ANKRD55: variants seen among roughly 807,000 people sequenced by gnomAD.
ANKRD55 encodes the protein ankyrin repeat domain-containing protein 55.
In ANKRD55, 41 loss-of-function variants were observed where a neutral mutation model predicts 60.6. That is an observed-to-expected ratio of 0.68 (90% CI 0.53 to 0.88). The LOEUF (loss-of-function observed/expected upper bound fraction) is 0.88. ANKRD55 is among the 40% of genes least tolerant of loss of function. The probability of loss-of-function intolerance (pLI) is 0.00; values close to 1 mark genes in which losing one functional copy is unlikely to be tolerated. For missense variants in ANKRD55, 732 were observed against 767.6 expected (o/e 0.95, Z 0.55); for synonymous variants, 264 against 290.3 (o/e 0.91, Z 0.92).
intron 2 of ANKRD55, among the ~76,000 whole-genome samples, chr5:56,194,270 C>T (rs1244657229): frequency 1.3e-5 from 2 of 149,380 alleles, no homozygotes; most frequent in South Asian, 2.1e-4. Context: ...GAGCCGAGAT[C>T]GCACCATTGC....
At chr5:56,164,954 T>C (rs926455628) in intron 5 of ANKRD55, among the ~76,000 whole-genome samples, 2 of 152,188 alleles carry the variant, frequency 1.3e-5, no homozygotes, top group African/African-American at 4.8e-5. Context: ...TCATACTGTT[T>C]GGTTTGTTCA....
chr5:56,136,585 T>C (rs1757604697), intron 7 of ANKRD55, among the ~76,000 whole-genome samples: 2 of 152,080 alleles, frequency 1.3e-5, no homozygotes, highest in African/African-American at 4.8e-5. Context: ...CCTTATACCT[T>C]TCACAAAATT....
At chr5:56,222,282 G>A (rs1018734759) in intron 2 of ANKRD55, among the ~76,000 whole-genome samples, 1 of 152,146 alleles carries the variant, frequency 6.6e-6, no homozygotes, top group African/African-American at 2.4e-5. Context: ...GCAGCTGAGG[G>A]TCATGACTGT....
At chr5:56,101,396 C>CTG (rs532386255) in intron 11 of ANKRD55, among the ~76,000 whole-genome samples, 34 of 144,458 alleles carry the variant, frequency 2.4e-4, no homozygotes, top group African/African-American at 6.6e-4. Flanking sequence ...TGTGGAGGGG[C>CTG]TGTGTGTGTG....
intron 9 of ANKRD55, among the ~76,000 whole-genome samples, chr5:56,115,378 G>C (rs1580945419): frequency 6.6e-6 from 1 of 150,850 alleles, no homozygotes; most frequent in East Asian, 2.0e-4. Context: ...GAGTGCAGTG[G>C]CACTGTCTCG....
chr5:56,180,189 C>T (rs1281672935), intron 3 of ANKRD55, among the ~76,000 whole-genome samples: 1 of 152,092 alleles, frequency 6.6e-6, no homozygotes, highest in African/African-American at 2.4e-5. Flanking sequence ...ATTACTAACC[C>T]ACTCCCACAA....
At chr5:56,201,336 C>T (rs1169581223) in intron 2 of ANKRD55, among the ~76,000 whole-genome samples, 2 of 152,208 alleles carry the variant, frequency 1.3e-5, no homozygotes, top group African/African-American at 2.4e-5. Context: ...TCTCTGTGGA[C>T]CTTCACCTGG....
intron 10 of ANKRD55, among the ~76,000 whole-genome samples, chr5:56,108,834 C>T (rs550179658): frequency 7.2e-4 from 110 of 152,240 alleles, no homozygotes; most frequent in Admixed American, 1.2e-3. Flanking sequence ...GTCAGGAGTT[C>T]GAGACCAGCC....
intron 2 of ANKRD55, among the ~76,000 whole-genome samples, chr5:56,210,432 G>A (rs1162226482): frequency 1.3e-5 from 2 of 151,744 alleles, no homozygotes; most frequent in Middle Eastern, 3.2e-3. Context: ...TGCGGTGGCG[G>A]GCGCCTGTAG....
intron 5 of ANKRD55, among the ~76,000 whole-genome samples, chr5:56,167,680 G>A (rs1417664642): frequency 6.6e-6 from 1 of 152,188 alleles, no homozygotes; most frequent in African/African-American, 2.4e-5. Context: ...TCTGCACACA[G>A]AAGGATGTTT....
rs1758127678 is a variant in ANKRD55, at chr5:56,154,036, C to T, written c.483+5797G>A. ...ACCACCCTGGCTAACACAGTGAAAC[C>T]CCGTCTCTACTAAAAATACAAAAAA... On this transcript the variant is annotated intron_variant, in intron 6 of 11. Transcript: ENST00000341048. 2.0e-5 allele frequency among the ~76,000 whole-genome samples: 3 copies of T among 149,804 alleles called. No homozygotes were observed. The South Asian group carries it at 6.3e-4, about 32-fold the overall frequency.
intron 10 of ANKRD55, among the ~76,000 whole-genome samples, chr5:56,104,505 G>A (rs780931773): frequency 1.4e-4 from 21 of 152,120 alleles, no homozygotes; most frequent in Non-Finnish European, 1.5e-4. Flanking sequence ...CAGGGACAGG[G>A]TGGAGCCGTG....
intron 2 of ANKRD55, among the ~76,000 whole-genome samples, chr5:56,186,540 A>T (rs1325999399): frequency 6.6e-6 from 1 of 152,212 alleles, no homozygotes; most frequent in East Asian, 1.9e-4. Context: ...GTGAGGAAAA[A>T]AATGAATTAA....
At chr5:56,232,808 A>G in intron 2 of ANKRD55, 48 bp downstream of exon 2, 1 of 1,563,672 alleles carries the variant, frequency 6.4e-7, no homozygotes, top group Non-Finnish European at 8.8e-7. Context: ...CCATACCATG[A>G]GACTAAGGAT....
chr5:56,166,087 TTTC>T (rs756277695), intron 5 of ANKRD55, among the ~76,000 whole-genome samples: 408 of 12,472 alleles, frequency 0.033, 10 homozygotes, highest in South Asian at 0.13. Flanking sequence ...TTCTTTTCTT[TTTC>T]TTTCTTTCTT....
chr5:56,214,265 G>T (rs1307254552), intron 2 of ANKRD55, among the ~76,000 whole-genome samples: 5 of 152,236 alleles, frequency 3.3e-5, no homozygotes, highest in South Asian at 2.1e-4. Flanking sequence ...CATTAGAGAG[G>T]AAGTGAAGGC....
intron 2 of ANKRD55, among the ~76,000 whole-genome samples, chr5:56,216,035 G>A (rs1342761822): frequency 1.3e-5 from 2 of 151,838 alleles, no homozygotes; most frequent in Admixed American, 1.3e-4. Context: ...AGTTAAAGGA[G>A]TGTAACACTT....
intron 10 of ANKRD55, among the ~76,000 whole-genome samples, chr5:56,103,506 T>A (rs988937749): frequency 1.3e-5 from 2 of 152,208 alleles, no homozygotes; most frequent in African/African-American, 4.8e-5. Flanking sequence ...GGAGCTTGGT[T>A]GGGCTCTGGG....
rs1756751081 is a variant in ANKRD55 at position 56,112,510 on chromosome 5, A to AAAAAAAAAAAAC, written c.966-729_966-728insGTTTTTTTTTTT. On this transcript the variant is annotated intron_variant, in intron 9 of 11. Transcript: ENST00000341048. ...GGCAGGATCTCATCTCTAGCAAAAA[A>AAAAAAAAAAAAC]AAAAAAAAAAAACAACCAAGGAAAG... 2.7e-3 allele frequency among the ~76,000 whole-genome samples: 375 copies of AAAAAAAAAAAAC among 138,090 alleles called. 17 individuals carry two copies. The highest frequency in any genetic ancestry group is 8.9e-3 in the African/African-American group (345 of 38,742). 90.6% of individuals were successfully genotyped at this position (138,090 alleles called of 152,430 possible).
Sources: gnomAD v4.1 joint callset for allele counts (sites outside exome capture counted in the v4.1 genomes callset) on GRCh38, gnomAD v4.1.1 for gene constraint, MANE v1.5 for transcripts, NCBI Gene and HGNC (gene_info 2026-07-23, HGNC 2026-07-21) for gene names.